ARHGAP6: variants seen among roughly 807,000 people sequenced by gnomAD.
The protein encoded by ARHGAP6 is rho GTPase-activating protein 6.
ARHGAP6 carries 16 observed loss-of-function variants against 55.7 expected under a neutral mutation model. The ratio of observed to expected loss-of-function variants is 0.29; its 90% CI spans 0.19 to 0.44. The LOEUF is 0.44. Among genes scored for constraint, ARHGAP6 ranks in the 20% least tolerant of loss-of-function variants. ARHGAP6 has a pLI of 1.00. For missense variants in ARHGAP6, 698 were observed against 808.9 expected (o/e 0.86, Z 1.66); for synonymous variants, 382 against 360.9 (o/e 1.06, Z -0.66).
chrX:11,331,294 C>T (rs887998818), intron 1 of ARHGAP6, among the ~76,000 whole-genome samples: 1 of 111,674 alleles, frequency 9.0e-6, no homozygotes, highest in Non-Finnish European at 1.9e-5. Flanking sequence ...TGGGTTTCCC[C>T]TACTCAGTCC....
chrX:11,186,626 C>T (rs1052814779), intron 4 of ARHGAP6, among the ~76,000 whole-genome samples, 195 bp from the exon 5 acceptor site: 15 of 112,077 alleles, frequency 1.3e-4, no homozygotes, highest in African/African-American at 4.5e-4. Context: ...AAAACCTCTA[C>T]AAGATTTCCT....
In ARHGAP6 at chrX:11,341,049, G is replaced by A. The variant is rs775698097; in HGVS notation, c.589-86342C>T. On this transcript the variant is annotated intron_variant, in intron 1 of 12. Coordinates refer to ENST00000337414, the MANE Select transcript of ARHGAP6 (RefSeq NM_013427.3). ...GTTGACTACGAAAAGGCAGAAGGAA[G>A]AGATTTGGTGGTGGGGGTGGGGGTG... Among the ~76,000 whole-genome samples, 506 of 86,719 alleles carry A rather than the reference G, an allele frequency of 5.8e-3. 2 individuals are homozygous for A. Among genetic ancestry groups the A allele is most frequent in the Middle Eastern group, 0.029 (5 of 170 alleles). 75.3% of individuals were successfully genotyped at this position (86,719 alleles called of 115,157 possible). A position where few individuals can be genotyped will look rare whatever the true frequency, so the allele number is the denominator to read the frequency against.
chrX:11,547,024 G>A (rs569937366), intron 1 of ARHGAP6, among the ~76,000 whole-genome samples: 6 of 112,505 alleles, frequency 5.3e-5, no homozygotes, highest in South Asian at 7.4e-4. Flanking sequence ...TCAGCCTCAC[G>A]TTCTTTGGAA....
Position 11,522,210 on chromosome X carries a change from G to A in ARHGAP6, c.588+142031C>T, listed in dbSNP as rs765114445. ...AACGAGAACAAAGACACAACATAGC[G>A]GAATCTCTGGGACACATTTAAAGCA... On this transcript the variant is annotated intron_variant, in intron 1 of 12. Transcript: ENST00000337414. Among the ~76,000 whole-genome samples the A allele has an allele frequency of 3.1e-3, 340 of 110,924 alleles. 1 individual carries two copies. Among genetic ancestry groups the A allele is most frequent in the Middle Eastern group, 0.019 (4 of 210 alleles).
intron 1 of ARHGAP6, among the ~76,000 whole-genome samples, chrX:11,257,673 G>A (rs1250102041): frequency 2.7e-5 from 3 of 111,675 alleles, no homozygotes; most frequent in Non-Finnish European, 3.8e-5. Flanking sequence ...GGTAGGCTTG[G>A]GACTATTAAG....
chrX:11,548,441 A>C (rs1255372372), intron 1 of ARHGAP6, among the ~76,000 whole-genome samples: 1 of 110,245 alleles, frequency 9.1e-6, no homozygotes, highest in Non-Finnish European at 1.9e-5. Flanking sequence ...TCTAATACCC[A>C]CAATTCTACT....
chrX:11,485,786 A>AT (rs747026026), intron 1 of ARHGAP6, among the ~76,000 whole-genome samples: 235 of 111,222 alleles, frequency 2.1e-3, no homozygotes, highest in Non-Finnish European at 3.3e-3. Context: ...TGAGGAAGGG[A>AT]TTTTTTCCAC....
chrX:11,414,909 A>G (rs968739928), intron 1 of ARHGAP6, among the ~76,000 whole-genome samples: 5 of 111,705 alleles, frequency 4.5e-5, no homozygotes, highest in African/African-American at 1.6e-4. Context: ...GGTCAAGGAT[A>G]CAAAATTTTA....
Position 11,261,045 on chromosome X carries a change from A to G in ARHGAP6, c.589-6338T>C, listed in dbSNP as rs906372910. Reference sequence around the variant, plus strand: ...ACAGCCACTGAATAAATATTTGTCAATCTAGGGACTAATGAACCAGCCCCA... The same window carrying G: ...ACAGCCACTGAATAAATATTTGTCAGTCTAGGGACTAATGAACCAGCCCCA... On this transcript the variant is annotated intron_variant, in intron 1 of 12. Transcript: ENST00000337414. 3.6e-5 allele frequency among the ~76,000 whole-genome samples: 4 copies of G among 111,692 alleles called. No individual in the cohort carries two copies. In the Admixed American group the frequency reaches 3.8e-4, roughly 11 times the overall value.
chrX:11,377,867 G>A (rs1310504790), intron 1 of ARHGAP6, among the ~76,000 whole-genome samples: 5 of 111,568 alleles, frequency 4.5e-5, no homozygotes, highest in Non-Finnish European at 9.4e-5. Context: ...ACAGGACATA[G>A]ATCTCAGATC....
intron 1 of ARHGAP6, among the ~76,000 whole-genome samples, chrX:11,595,391 G>A (rs1229312291): frequency 1.8e-5 from 2 of 110,324 alleles, no homozygotes; most frequent in Non-Finnish European, 3.8e-5. Context: ...AACTGAAACT[G>A]GACCCCTTCC....
intron 1 of ARHGAP6, among the ~76,000 whole-genome samples, chrX:11,539,389 G>A (rs1171527057): frequency 8.9e-6 from 1 of 112,049 alleles, no homozygotes; most frequent in Non-Finnish European, 1.9e-5. Flanking sequence ...GAGGACTTTG[G>A]AATATGACTG....
intron 1 of ARHGAP6, among the ~76,000 whole-genome samples, chrX:11,470,157 A>G (rs1003010501): frequency 8.9e-6 from 1 of 112,112 alleles, no homozygotes; most frequent in Non-Finnish European, 1.9e-5. Context: ...GTTGTTGAAC[A>G]TTGATAAATA....
At chrX:11,299,055 G>A (rs1258953662) in intron 1 of ARHGAP6, 15 of 1,059,486 alleles carry the variant, frequency 1.4e-5, no homozygotes, top group Admixed American at 1.3e-4. Context: ...TAAGGTCTCC[G>A]ACAACCAAGG....
At chrX:11,241,653 G>C (rs927289404) in intron 2 of ARHGAP6, among the ~76,000 whole-genome samples, 1 of 108,604 alleles carries the variant, frequency 9.2e-6, no homozygotes, top group African/African-American at 3.3e-5. Context: ...CAAAGTTTTT[G>C]CTTATTAACT....
intron 2 of ARHGAP6, among the ~76,000 whole-genome samples, chrX:11,205,844 A>C (rs1412344014): frequency 8.9e-6 from 1 of 112,072 alleles, no homozygotes; most frequent in Non-Finnish European, 1.9e-5. Context: ...TTTTACCCTG[A>C]CCACTACTAC....
chrX:11,351,920 C>T (rs1041961697), intron 1 of ARHGAP6, among the ~76,000 whole-genome samples: 1 of 112,560 alleles, frequency 8.9e-6, no homozygotes, highest in African/African-American at 3.2e-5. Context: ...CACTTCTCAC[C>T]TTTCCCTTCT....
At chrX:11,527,476 G>T (rs1168639819) in intron 1 of ARHGAP6, among the ~76,000 whole-genome samples, 1 of 111,463 alleles carries the variant, frequency 9.0e-6, no homozygotes, top group Non-Finnish European at 1.9e-5. Context: ...GCCGGGTGTG[G>T]TGGCACACGC....
chrX:11,500,663 C>CAAA (rs995574477), intron 1 of ARHGAP6, among the ~76,000 whole-genome samples: 28 of 32,771 alleles, frequency 8.5e-4, no homozygotes, highest in African/African-American at 1.2e-3. Context: ...CAGACTCTGT[C>CAAA]AAAAAAAAAA....
Sources: allele counts gnomAD v4.1 joint callset (sites outside exome capture counted in the v4.1 genomes callset), GRCh38; gene constraint gnomAD v4.1.1; transcripts MANE v1.5; gene names NCBI Gene and HGNC (gene_info 2026-07-23, HGNC 2026-07-21).